GRIN2B: variants seen among roughly 807,000 people sequenced by gnomAD.
GRIN2B encodes the protein glutamate receptor ionotropic, NMDA 2B.
GRIN2B carries 5 observed loss-of-function variants against 114.5 expected under a neutral mutation model. The observed-to-expected ratio is 0.04, with a 90% confidence interval of 0.02 to 0.09. The LOEUF (loss-of-function observed/expected upper bound fraction) is 0.09, where lower values mean the gene tolerates loss of function less well. Among genes scored for constraint, GRIN2B ranks in the 10% least tolerant of loss-of-function variants. The pLI is 1.00. For synonymous variants in GRIN2B, 787 were observed against 745.1 expected, an observed-to-expected ratio of 1.06 and a Z score of -0.92; for missense variants, 1,108 against 1,943.5, an observed-to-expected ratio of 0.57 and a Z score of 8.08.
At chr12:13,607,381 TA>T (rs1949288266) in intron 10 of GRIN2B, among the ~76,000 whole-genome samples, 1 of 71,158 alleles carries the variant, frequency 1.4e-5, no homozygotes, top group Non-Finnish European at 2.5e-5. Context: ...ATATTATATA[TA>T]TAATATATAT....
rs1409885163 is a variant in GRIN2B at position 13,556,438 on chromosome 12, A to G, written c.*6345T>C. The G allele has an allele frequency of 6.6e-6, 1 of 151,976 alleles. No individual in the cohort carries two copies. The highest frequency in any genetic ancestry group is 1.5e-5 in the Non-Finnish European group (1 of 67,862). 9.4% of individuals were successfully genotyped at this position (151,976 alleles called of 1,614,324 possible). A position where few individuals can be genotyped will look rare whatever the true frequency, so the allele number is the denominator to read the frequency against. On this transcript the variant is annotated 3_prime_UTR_variant, in exon 14 of 14. Coordinates refer to ENST00000609686, the MANE Select transcript of GRIN2B (RefSeq NM_000834.5). ...ATTCACAGAACTAGCCTAGGGACAT[A>G]GTACGTGCACAATAGACGTTGGTTT...
At chr12:13,862,883 G>A (rs933926585) in intron 3 of GRIN2B, among the ~76,000 whole-genome samples, 7 of 152,254 alleles carry the variant, frequency 4.6e-5, no homozygotes, top group Admixed American at 3.3e-4. Context: ...ATTCAGCATC[G>A]AACGCCTGGG....
intron 2 of GRIN2B, among the ~76,000 whole-genome samples, chr12:13,957,597 G>A (rs796549529): frequency 5.3e-5 from 8 of 152,136 alleles, no homozygotes; most frequent in African/African-American, 1.9e-4. Flanking sequence ...GGGAAGAGGC[G>A]AGAACCACAC....
intron 4 of GRIN2B, among the ~76,000 whole-genome samples, chr12:13,729,450 G>C (rs1863045217): frequency 1.3e-5 from 2 of 152,086 alleles, no homozygotes; most frequent in Non-Finnish European, 1.5e-5. Context: ...TCAAGGCCAG[G>C]TTAAGTCTTG....
In GRIN2B at chr12:13,622,999, G is replaced by A. The variant is rs376074440; in HGVS notation, c.1126-6342C>T. 5.9e-5 allele frequency among the ~76,000 whole-genome samples: 9 copies of A among 152,270 alleles called. No individual in the cohort carries two copies. In the East Asian group the frequency reaches 9.6e-4, roughly 16 times the overall value. On this transcript the variant is annotated intron_variant, in intron 5 of 13. Transcript: ENST00000609686. ...GTAACCAAGTGAACATTCTAACACT[G>A]TATGGCCCTGCATTATCTGTATCCG...
chr12:13,565,129 C>T (rs1242902883), intron 13 of GRIN2B, among the ~76,000 whole-genome samples: 1 of 152,232 alleles, frequency 6.6e-6, no homozygotes, highest in Non-Finnish European at 1.5e-5. Flanking sequence ...AGCTCAGTAG[C>T]TTACAACTGT....
chr12:13,570,301 TA>T (rs1948689889), intron 11 of GRIN2B, among the ~76,000 whole-genome samples: 1 of 151,630 alleles, frequency 6.6e-6, no homozygotes, highest in African/African-American at 2.4e-5. Flanking sequence ...GAAGAAGGAG[TA>T]AAAAGGGATC....
chr12:13,637,384 T>C (rs994882399), intron 5 of GRIN2B, among the ~76,000 whole-genome samples: 1 of 152,156 alleles, frequency 6.6e-6, no homozygotes, highest in Non-Finnish European at 1.5e-5. Context: ...ATAACACTCA[T>C]GGCCCATGTT....
chr12:13,699,673 C>T (rs942099900), intron 4 of GRIN2B, among the ~76,000 whole-genome samples: 2 of 151,788 alleles, frequency 1.3e-5, no homozygotes, highest in South Asian at 2.1e-4. Context: ...CTGCAACCTC[C>T]GCCTCCTGGG....
rs192719978 is a variant in GRIN2B at position 13,731,469 on chromosome 12, T to G, written c.1010+21848A>C. 4.7e-4 allele frequency among the ~76,000 whole-genome samples: 72 copies of G among 152,064 alleles called. 2 individuals are homozygous for G. In the East Asian group the frequency reaches 0.012, roughly 26 times the overall value. ...AAAAAAAATTAGCTGGGCGTGGTGG[T>G]GGGCACCTGTAGTCCCAGCTACTTG... is the stretch of plus-strand genomic sequence containing the variant. On this transcript the variant is annotated intron_variant, in intron 4 of 13. Transcript: ENST00000609686.
chr12:13,628,968 C>T (rs1420921435), intron 5 of GRIN2B, among the ~76,000 whole-genome samples: 2 of 151,916 alleles, frequency 1.3e-5, no homozygotes, highest in African/African-American at 4.8e-5. Flanking sequence ...AATGAGGGAG[C>T]ACAAATGGAA....
At chr12:13,958,045 C>T (rs146086767) in intron 2 of GRIN2B, among the ~76,000 whole-genome samples, 1 of 152,302 alleles carries the variant, frequency 6.6e-6, no homozygotes, top group Non-Finnish European at 1.5e-5. Flanking sequence ...AGTTAGACAA[C>T]ATTTCCGTCA....
At chr12:13,666,110 C>G (rs1949972181) in intron 5 of GRIN2B, among the ~76,000 whole-genome samples, 1 of 152,140 alleles carries the variant, frequency 6.6e-6, no homozygotes, top group African/African-American at 2.4e-5. Context: ...ATGTGGTGTG[C>G]ACCTGGAGAA....
chr12:13,659,605 T>C (rs1238459646), intron 5 of GRIN2B, among the ~76,000 whole-genome samples: 1 of 152,176 alleles, frequency 6.6e-6, no homozygotes, highest in African/African-American at 2.4e-5. Flanking sequence ...ACCCCCTTAT[T>C]TGTACCTATC....
At chr12:13,974,911 ATAAAC>A (rs1270563840) in intron 2 of GRIN2B, among the ~76,000 whole-genome samples, 7 of 152,214 alleles carry the variant, frequency 4.6e-5, no homozygotes, top group Admixed American at 4.6e-4. Context: ...TAACAAAAAG[ATAAAC>A]TAAAAAGCAG....
At chr12:13,833,036 G>GAT (rs1291424823) in intron 3 of GRIN2B, among the ~76,000 whole-genome samples, 12 of 152,150 alleles carry the variant, frequency 7.9e-5, no homozygotes, top group Non-Finnish European at 1.3e-4. Context: ...TGTAAAAGTG[G>GAT]CTCTGTATAC....
chr12:13,739,374 C>CAAAAAAAAAAAAAAAAAAAAAAAAAA (rs34320563), intron 4 of GRIN2B, among the ~76,000 whole-genome samples: 1 of 59,364 alleles, frequency 1.7e-5, no homozygotes, highest in Non-Finnish European at 2.8e-5. Context: ...AACTCCGTCT[C>CAAAAAAAAAAAAAAAAAAAAAAAAAA]AAAAAAAAAA....
intron 2 of GRIN2B, among the ~76,000 whole-genome samples, chr12:13,949,166 G>T (rs1380286170): frequency 6.6e-6 from 1 of 152,134 alleles, no homozygotes; most frequent in African/African-American, 2.4e-5. Flanking sequence ...TCCACTGCCT[G>T]AAGAACCCAT....
chr12:13,932,986 T>TGTGTGTGTGTGTGTGC (rs61241187), intron 2 of GRIN2B, among the ~76,000 whole-genome samples: 48 of 148,412 alleles, frequency 3.2e-4, no homozygotes, highest in Middle Eastern at 6.9e-3. Context: ...TGTGTGTGTG[T>TGTGTGTGTGTGTGTGC]GCGTGTGCGT....
Sources: gnomAD v4.1 joint callset for allele counts (sites outside exome capture counted in the v4.1 genomes callset) on GRCh38, gnomAD v4.1.1 for gene constraint, MANE v1.5 for transcripts, NCBI Gene and HGNC (gene_info 2026-07-23, HGNC 2026-07-21) for gene names.